The following XRN1 variants were observed in gnomAD, a reference collection of about 807,000 sequenced individuals.
The protein encoded by XRN1 is 5'-3' exoribonuclease 1.
XRN1 carries 67 observed loss-of-function variants against 222.3 expected under a neutral mutation model. The observed-to-expected ratio is 0.30, with a 90% CI of 0.25 to 0.37. XRN1 has a LOEUF of 0.37. Ranked by LOEUF, XRN1 falls within the 10% of genes least tolerant of loss-of-function variation. The pLI, the probability that XRN1 is intolerant of heterozygous loss-of-function variation, is 1.00. For synonymous variants in XRN1, 643 were observed against 652.4 expected (o/e 0.99, Z 0.22); for missense variants, 1,707 against 2,000.2 (o/e 0.85, Z 2.80).
chr3:142,329,777 T>G (rs1048632817), intron 36 of XRN1, among the ~76,000 whole-genome samples, 162 bp from the exon 37 acceptor site: 1 of 152,220 alleles, frequency 6.6e-6, no homozygotes, highest in Non-Finnish European at 1.5e-5. Flanking sequence ...GGATTTCAGG[T>G]GGCTCTAGTT....
At chr3:142,325,240 G>GT (rs1234865204) in intron 37 of XRN1, among the ~76,000 whole-genome samples, 1 of 151,884 alleles carries the variant, frequency 6.6e-6, no homozygotes, top group Non-Finnish European at 1.5e-5. Flanking sequence ...ATTATTGCCT[G>GT]TTTTTTATTT....
intron 1 of XRN1, among the ~76,000 whole-genome samples, chr3:142,438,467 C>A (rs560310166): frequency 2.6e-5 from 4 of 152,202 alleles, no homozygotes; most frequent in African/African-American, 7.2e-5. Flanking sequence ...GGTTACGCAC[C>A]CTGGAAAAGA....
At chr3:142,371,414 G>A in intron 25 of XRN1, 86 bp from the exon 26 acceptor site, 1 of 980,180 alleles carries the variant, frequency 1.0e-6, no homozygotes, top group Non-Finnish European at 1.5e-6. Flanking sequence ...AGATCCTAAA[G>A]AAACATATAA....
chr3:142,409,603 T>G (rs2068484801), intron 15 of XRN1, among the ~76,000 whole-genome samples: 3 of 152,196 alleles, frequency 2.0e-5, no homozygotes, highest in African/African-American at 7.2e-5. Context: ...GTCATGTAAG[T>G]CCTCCAACAC....
intron 32 of XRN1, among the ~76,000 whole-genome samples, chr3:142,348,066 T>G (rs1419582729): frequency 6.6e-6 from 1 of 151,950 alleles, no homozygotes; most frequent in Non-Finnish European, 1.5e-5. Flanking sequence ...ATCCCTTGGG[T>G]AGGTGGAGGT....
intron 39 of XRN1, chr3:142,313,090 TGA>T: frequency 6.3e-7 from 1 of 1,576,002 alleles, no homozygotes; most frequent in East Asian, 2.2e-5. Flanking sequence ...TTGTCCCTTG[TGA>T]GAGAAAAGCT....
intron 25 of XRN1, among the ~76,000 whole-genome samples, chr3:142,375,012 G>C (rs573463133): frequency 3.3e-4 from 50 of 152,294 alleles, no homozygotes; most frequent in African/African-American, 1.1e-3. Flanking sequence ...TTGCAGGGAT[G>C]CATTTACAAG....
chr3:142,351,121 T>TTATCTATCTATG (rs1402878037), intron 32 of XRN1, among the ~76,000 whole-genome samples: 2 of 152,200 alleles, frequency 1.3e-5, no homozygotes, highest in Non-Finnish European at 2.9e-5. Flanking sequence ...CTGTCTATAA[T>TTATCTATCTATG]TATCTATCTA....
Position 142,376,528 on chromosome 3 carries a change from C to T in XRN1, c.2782G>A (p.Val928Ile). 1.2e-6 allele frequency: 2 copies of T among 1,613,366 alleles called. No homozygotes were observed. Among genetic ancestry groups the T allele is most frequent in the Non-Finnish European group, 8.5e-7 (1 of 1,179,572 alleles). The change falls in exon 24 of 41, where the codon GTT becomes ATT. Residue 928 changes from valine to isoleucine, a missense_variant. Around this residue, in one of 2 missense-constraint regions of XRN1, gnomAD observed 1,234 missense variants for 1,518.2 expected, o/e 0.81. Transcript: ENST00000392981. The part of the protein sequence containing the change: ...ASRLGVSGYL[V>I]SRFTGSIFIG... The stretch of plus-strand genomic sequence containing the variant: ...AAAATACTTCCTGTAAACCTTGAAA[C>T]AAGGTATCCACTCACTCCAAGGCGA...
At chr3:142,373,122 A>G (rs1343480323) in intron 25 of XRN1, among the ~76,000 whole-genome samples, 1 of 152,234 alleles carries the variant, frequency 6.6e-6, no homozygotes, top group Non-Finnish European at 1.5e-5. Context: ...CACAAAAAAT[A>G]GAAGGATAAA....
intron 1 of XRN1, among the ~76,000 whole-genome samples, chr3:142,440,461 C>A (rs2108204045): frequency 6.6e-6 from 1 of 152,018 alleles, no homozygotes; most frequent in Middle Eastern, 3.4e-3. Flanking sequence ...CATGGACGAG[C>A]AAAGAATGCC....
intron 16 of XRN1, 123 bp downstream of exon 16, chr3:142,404,784 A>G: frequency 1.1e-6 from 1 of 879,440 alleles, no homozygotes; most frequent in South Asian, 1.6e-5. Context: ...TCAATTGACT[A>G]TAACTGTCAT....
At position 142,347,242 on chromosome 3, in the gene XRN1, T is replaced by C; in HGVS notation, c.3869A>G (p.His1290Arg). Residue 1290 changes from histidine (H) to arginine (R), a missense_variant, in exon 33 of 41, where the codon CAC becomes CGC. By Grantham distance (29) the His-to-Arg change is conservative. This residue lies in a region of XRN1 where 473 missense variants were observed against 482.0 expected (regional missense o/e 0.98). Transcript: ENST00000392981. Reference sequence around the variant, plus strand: ...TCTAATTTAAAACTTACATTTTCTGTGAGGGTCATGTTTTCTTTGCTGATA... The same window carrying C: ...TCTAATTTAAAACTTACATTTTCTGCGAGGGTCATGTTTTCTTTGCTGATA... ...VKYQQRKHDPHRKFKEECKSP... is the reference protein window; with the variant it reads ...VKYQQRKHDPRRKFKEECKSP... 1 of 1,599,572 alleles carries C rather than the reference T, an allele frequency of 6.3e-7. No homozygotes were observed. Among genetic ancestry groups the C allele is most frequent in the Non-Finnish European group, 8.5e-7 (1 of 1,171,834 alleles).
At chr3:142,381,539 T>C (rs2067303670) in intron 22 of XRN1, among the ~76,000 whole-genome samples, 1 of 150,510 alleles carries the variant, frequency 6.6e-6, no homozygotes, top group Non-Finnish European at 1.5e-5. Flanking sequence ...TTTGTTTTTA[T>C]AACACTGACC....
chr3:142,332,913 A>C, intron 35 of XRN1, 54 bp downstream of exon 35: 1 of 1,599,762 alleles, frequency 6.3e-7, no homozygotes, highest in Non-Finnish European at 8.5e-7. Flanking sequence ...ATATGTCTGC[A>C]TGGTCAACAG....
Position 142,388,959 on chromosome 3 carries a change from G to T in XRN1, c.2340-4274C>A, listed in dbSNP as rs112833728. 5.1e-3 allele frequency among the ~76,000 whole-genome samples: 781 copies of T among 152,240 alleles called. 9 individuals carry two copies. Among genetic ancestry groups the T allele is most frequent in the African/African-American group, 0.018 (759 of 41,544 alleles). On this transcript the variant is annotated intron_variant, in intron 20 of 40. Transcript: ENST00000392981. ...GCATTGGCTCATGCCTATAATCTAA[G>T]CACTTTGGCACGTTGGGAGGCCAAG... is the stretch of plus-strand genomic sequence containing the variant.
chr3:142,342,231 G>C (rs1263519822), intron 33 of XRN1, among the ~76,000 whole-genome samples: 1 of 151,968 alleles, frequency 6.6e-6, no homozygotes, highest in Non-Finnish European at 1.5e-5. Context: ...TAATTACCTA[G>C]GAATTAACCA....
chr3:142,372,698 G>A (rs747285012), intron 25 of XRN1, among the ~76,000 whole-genome samples: 4 of 152,224 alleles, frequency 2.6e-5, no homozygotes, highest in Non-Finnish European at 5.9e-5. Context: ...CTGCTGCAAG[G>A]GGATAGGTCT....
At chr3:142,423,036 T>C in intron 6 of XRN1, 114 bp from the exon 7 acceptor site, 1 of 783,144 alleles carries the variant, frequency 1.3e-6, no homozygotes, top group Non-Finnish European at 2.1e-6. Flanking sequence ...GGTCTTGTAA[T>C]TAAGGCATAC....
Sources: gnomAD v4.1 joint callset for allele counts (sites outside exome capture counted in the v4.1 genomes callset) on GRCh38, gnomAD v4.1.1 for gene constraint, gnomAD v4.1.1 regional missense constraint, MANE v1.5 for transcripts, NCBI Gene and HGNC (gene_info 2026-07-23, HGNC 2026-07-21) for gene names.